PTGR2: variants seen among roughly 807,000 people sequenced by gnomAD.
PTGR2 encodes the protein 15-oxoprostaglandin 13-reductase.
A neutral mutation model predicts 43.4 loss-of-function variants in PTGR2; 32 were observed. That is an observed-to-expected ratio of 0.74 (90% CI 0.56 to 0.99). The LOEUF is 0.99. Among genes scored for constraint, PTGR2 ranks in the 50% least tolerant of loss-of-function variants. The pLI, the probability that PTGR2 is intolerant of heterozygous loss-of-function variation, is 0.00. For missense variants in PTGR2, 373 were observed against 420.0 expected, an observed-to-expected ratio of 0.89 and a Z score of 0.98; for synonymous variants, 106 against 139.2, an observed-to-expected ratio of 0.76 and a Z score of 1.68.
chr14:73,858,775 A>G lies in PTGR2; in HGVS notation c.-47-41A>G. On this transcript the variant is annotated intron_variant, in intron 1 of 9. Coordinates refer to ENST00000555661, the MANE Select transcript of PTGR2 (RefSeq NM_001146154.2). ...TTCTTTTTTATTTTTAAATTGTTGA[A>G]TACTTCAAATCTTGTGATTTAAAAA... The G allele has an allele frequency of 5.3e-6, 5 of 946,456 alleles. No homozygotes were observed. The South Asian group carries it at 9.0e-5, about 17-fold the overall frequency. 58.6% of individuals were successfully genotyped at this position (946,456 alleles called of 1,614,324 possible).
chr14:73,863,884 A>G (rs1003688074), intron 3 of PTGR2, among the ~76,000 whole-genome samples: 1 of 152,078 alleles, frequency 6.6e-6, no homozygotes, highest in East Asian at 1.9e-4. Flanking sequence ...TCAAAGTGCT[A>G]GGATTACAGG....
At chr14:73,879,339 C>G in intron 6 of PTGR2, 34 bp downstream of exon 6, 1 of 1,569,598 alleles carries the variant, frequency 6.4e-7, no homozygotes, top group Non-Finnish European at 8.8e-7. Flanking sequence ...AATTTGAATA[C>G]TGCACTTTAT....
chr14:73,854,314 C>G (rs763434638), intron 1 of PTGR2, among the ~76,000 whole-genome samples: 38 of 151,978 alleles, frequency 2.5e-4, no homozygotes, highest in Non-Finnish European at 4.4e-4. Flanking sequence ...GTTGGCCAGG[C>G]TGGTCTCAAA....
intron 3 of PTGR2, among the ~76,000 whole-genome samples, chr14:73,868,068 C>T (rs1305003968): frequency 6.6e-6 from 1 of 152,128 alleles, no homozygotes; most frequent in Non-Finnish European, 1.5e-5. Context: ...GGGTGGATAA[C>T]CTGAGGTCAG....
chr14:73,872,004 C>T (rs911353688), intron 3 of PTGR2, among the ~76,000 whole-genome samples: 1 of 152,130 alleles, frequency 6.6e-6, no homozygotes, highest in African/African-American at 2.4e-5. Context: ...ACCCGTTTTA[C>T]CTGGGTACAC....
At chr14:73,854,598 A>G (rs2054302220) in intron 1 of PTGR2, among the ~76,000 whole-genome samples, 1 of 151,478 alleles carries the variant, frequency 6.6e-6, no homozygotes, top group African/African-American at 2.4e-5. Context: ...TATGTTAAAC[A>G]AATAAAGCAT....
chr14:73,851,856 G>C lies in PTGR2; in HGVS notation c.-135G>C, dbSNP rs1323407548. 6.6e-6 allele frequency: 1 copy of C among 152,330 alleles called. No homozygotes were observed. The highest frequency in any genetic ancestry group is 1.5e-5 in the Non-Finnish European group (1 of 68,156). The allele number at this position is 152,330 out of a possible 1,614,324, so 9.4% of individuals were successfully genotyped here. ...GCGCGCCTGCGTACTGCGGTCAGAG[G>C]GCCGAGGCCTGGGGGCGAGCTGGGG... On this transcript the variant is annotated 5_prime_UTR_variant, in exon 1 of 10. Transcript: ENST00000555661.
At chr14:73,852,792 G>A (rs1450040726) in intron 1 of PTGR2, among the ~76,000 whole-genome samples, 1 of 152,032 alleles carries the variant, frequency 6.6e-6, no homozygotes, top group East Asian at 1.9e-4. Flanking sequence ...AAGGGGAGGA[G>A]AAGACTGGCA....
intron 1 of PTGR2, 64 bp from the exon 2 acceptor site, chr14:73,858,750 TTC>T (rs2054420897): frequency 4.1e-6 from 3 of 722,952 alleles, no homozygotes; most frequent in Non-Finnish European, 6.4e-6. Flanking sequence ...ACAAATGGAC[TTC>T]TTTTTTATTT....
intron 2 of PTGR2, 134 bp downstream of exon 2, chr14:73,859,033 A>G: frequency 1.8e-6 from 1 of 568,026 alleles, no homozygotes; most frequent in Non-Finnish European, 3.0e-6. Flanking sequence ...ATATTAGAAG[A>G]AACTCTTTAA....
At chr14:73,858,579 A>AT (rs955199035) in intron 1 of PTGR2, 1 of 282,272 alleles carries the variant, frequency 3.5e-6, no homozygotes, top group African/African-American at 2.2e-5. Flanking sequence ...ATAAACAAAC[A>AT]TTTTGCCCCA....
rs976046260 is a variant in PTGR2 at position 73,884,332 on chromosome 14, T to C, written c.*155T>C. 4 of 543,902 alleles carry C rather than the reference T, an allele frequency of 7.4e-6. No individual in the cohort carries two copies. Among genetic ancestry groups the C allele is most frequent in the Non-Finnish European group, 1.3e-5 (4 of 314,896 alleles). 33.7% of individuals were successfully genotyped at this position (543,902 alleles called of 1,614,324 possible). ...TGCATAGGGTATTTGATACAATCAT[T>C]AATGGATCATACACAATAGGTTTTT... is the stretch of plus-strand genomic sequence containing the variant. On this transcript the variant is annotated 3_prime_UTR_variant, in exon 10 of 10. Coordinates refer to ENST00000555661, the MANE Select transcript of PTGR2 (RefSeq NM_001146154.2).
intron 3 of PTGR2, among the ~76,000 whole-genome samples, chr14:73,869,192 A>C (rs967687291): frequency 6.6e-6 from 1 of 152,162 alleles, no homozygotes; most frequent in African/African-American, 2.4e-5. Flanking sequence ...ATTGAAAGTA[A>C]TAATTACATT....
At chr14:73,883,848 C>A (rs555112976) in intron 9 of PTGR2, among the ~76,000 whole-genome samples, 5 of 152,140 alleles carry the variant, frequency 3.3e-5, no homozygotes, top group African/African-American at 1.2e-4. Context: ...AAACAATGAA[C>A]ATTGATGTGC....
chr14:73,883,664 T>C (rs749740111), intron 9 of PTGR2, among the ~76,000 whole-genome samples: 1 of 152,000 alleles, frequency 6.6e-6, no homozygotes, highest in Non-Finnish European at 1.5e-5. Flanking sequence ...TTTTGTATTT[T>C]TAGTAGAGAT....
At chr14:73,879,559 G>A (rs908454178) in intron 6 of PTGR2, 4 of 413,744 alleles carry the variant, frequency 9.7e-6, no homozygotes, top group Admixed American at 4.2e-5. Flanking sequence ...GTTTATTTTT[G>A]TGAAAAATTA....
At chr14:73,853,507 G>T (rs936333658) in intron 1 of PTGR2, among the ~76,000 whole-genome samples, 1 of 151,936 alleles carries the variant, frequency 6.6e-6, no homozygotes, top group Admixed American at 6.6e-5. Flanking sequence ...ATTTTTAGTA[G>T]AGGTGGGGTT....
chr14:73,865,551 C>T (rs762366067), intron 3 of PTGR2, among the ~76,000 whole-genome samples: 18 of 152,142 alleles, frequency 1.2e-4, no homozygotes, highest in Non-Finnish European at 2.4e-4. Context: ...TTCCTCTATC[C>T]AGTCAAGTTG....
chr14:73,882,271 A>G (rs1303292922), intron 8 of PTGR2, 128 bp from the exon 9 acceptor site: 5 of 654,536 alleles, frequency 7.6e-6, no homozygotes, highest in Non-Finnish European at 1.4e-5. Flanking sequence ...GGCTACCTAC[A>G]TGAAATAAAG....
Sources: allele counts gnomAD v4.1 joint callset (sites outside exome capture counted in the v4.1 genomes callset), GRCh38; gene constraint gnomAD v4.1.1; transcripts MANE v1.5; gene names NCBI Gene and HGNC (gene_info 2026-07-23, HGNC 2026-07-21).